Variants in ST8SIA6 observed in about 807,000 individuals in gnomAD.
The protein encoded by ST8SIA6 is alpha-2,8-sialyltransferase 8F.
ST8SIA6 carries 39 observed loss-of-function variants against 33.6 expected under a neutral mutation model. The ratio of observed to expected loss-of-function variants is 1.16; its 90% CI spans 0.90 to 1.52. The LOEUF (loss-of-function observed/expected upper bound fraction) is 1.52. Ranked by LOEUF, ST8SIA6 falls within the 40% of genes most tolerant of loss-of-function variation. The probability of loss-of-function intolerance (pLI) is 0.00; values close to 1 mark genes in which losing one functional copy is unlikely to be tolerated. For synonymous variants in ST8SIA6, 172 were observed against 167.2 expected (o/e 1.03, Z -0.22); for missense variants, 441 against 443.8 (o/e 0.99, Z 0.06).
chr10:17,398,466 C>A (rs1850909112), intron 2 of ST8SIA6, among the ~76,000 whole-genome samples: 1 of 152,162 alleles, frequency 6.6e-6, no homozygotes, highest in South Asian at 2.1e-4. Context: ...GAATTAATGT[C>A]ACCCTCTGTA....
intron 2 of ST8SIA6, among the ~76,000 whole-genome samples, chr10:17,414,726 G>A (rs941061803): frequency 2.6e-5 from 4 of 152,014 alleles, no homozygotes; most frequent in East Asian, 3.9e-4. Context: ...TTCTTATAAA[G>A]ACACCAGCCC....
intron 2 of ST8SIA6, among the ~76,000 whole-genome samples, chr10:17,404,764 A>C (rs1037216944): frequency 2.0e-5 from 3 of 152,094 alleles, no homozygotes; most frequent in African/African-American, 7.2e-5. Flanking sequence ...AGTTGACCCC[A>C]ATCTCTCTTT....
rs181999324 is a variant in ST8SIA6 at position 17,412,734 on chromosome 10, T to C, written c.201-22114A>G. Among the ~76,000 whole-genome samples, 49 of 152,302 alleles carry C rather than the reference T, an allele frequency of 3.2e-4. No individual in the cohort carries two copies. In the East Asian group the frequency reaches 8.7e-3, roughly 27 times the overall value. On this transcript the variant is annotated intron_variant, in intron 2 of 7. Transcript: ENST00000377602. ...GTACTTAAAAGTATATATGGTAATA[T>C]ACAATATGATAGAAGAAATAAGACC...
intron 4 of ST8SIA6, among the ~76,000 whole-genome samples, chr10:17,349,827 A>G (rs1342207345): frequency 6.6e-6 from 1 of 152,288 alleles, no homozygotes; most frequent in East Asian, 1.9e-4. Context: ...CCTAGTTCCT[A>G]TAGTGAGTCT....
chr10:17,331,308 A>G, intron 5 of ST8SIA6, 100 bp downstream of exon 5: 2 of 1,406,632 alleles, frequency 1.4e-6, no homozygotes, highest in Non-Finnish European at 1.9e-6. Context: ...ACAATATGGT[A>G]TTTTAATTGA....
intron 4 of ST8SIA6, among the ~76,000 whole-genome samples, chr10:17,352,203 A>G (rs925491933): frequency 1.1e-4 from 16 of 152,220 alleles, no homozygotes; most frequent in African/African-American, 3.4e-4. Context: ...TAAAGGAATA[A>G]TAAGTAAAAC....
intron 3 of ST8SIA6, among the ~76,000 whole-genome samples, chr10:17,380,532 T>G (rs1384726039): frequency 1.3e-5 from 2 of 152,194 alleles, no homozygotes; most frequent in Non-Finnish European, 2.9e-5. Flanking sequence ...AAAAAAAGAT[T>G]TTTAATTTTA....
chr10:17,339,106 A>T (rs1370931352), intron 4 of ST8SIA6, among the ~76,000 whole-genome samples: 10 of 112,704 alleles, frequency 8.9e-5, no homozygotes, highest in African/African-American at 4.0e-4. Context: ...TTAAAATTGT[A>T]AAAATTCCTT....
chr10:17,430,883 G>A (rs974832495), intron 2 of ST8SIA6, among the ~76,000 whole-genome samples: 2 of 152,078 alleles, frequency 1.3e-5, no homozygotes, highest in African/African-American at 4.8e-5. Flanking sequence ...TTAAGGTTAC[G>A]TGAAAGACTT....
At position 17,331,504 on chromosome 10, in the gene ST8SIA6, AG is replaced by A. The variant is rs1172120672; in HGVS notation, c.425del (p.Ser142PhefsTer11). ...CCDAVQNFVV[S>X]QNNTPVGTNM... ...TAGTCCCAACTGGAGTGTTATTCTG[AG>A]AAACAACAAAGTTTTGAACAGCATC... On this transcript the variant is annotated frameshift_variant, in exon 5 of 8. Transcript: ENST00000377602. LOFTEE classifies it high-confidence loss of function. 1.2e-6 allele frequency: 2 copies of A among 1,613,118 alleles called. No homozygotes were observed. Among genetic ancestry groups the A allele is most frequent in the Admixed American group, 3.3e-5 (2 of 59,724 alleles).
chr10:17,347,442 G>T (rs542331236), intron 4 of ST8SIA6, among the ~76,000 whole-genome samples: 1 of 152,156 alleles, frequency 6.6e-6, no homozygotes, highest in South Asian at 2.1e-4. Flanking sequence ...GAGGGGAGAG[G>T]GCAATGATAA....
intron 2 of ST8SIA6, among the ~76,000 whole-genome samples, chr10:17,418,272 G>T (rs1851664733): frequency 6.6e-6 from 1 of 151,782 alleles, no homozygotes; most frequent in Non-Finnish European, 1.5e-5. Context: ...CTTTGTTCCG[G>T]CTGGTCTCAA....
At chr10:17,394,165 G>C (rs1258986765) in intron 2 of ST8SIA6, among the ~76,000 whole-genome samples, 2 of 152,058 alleles carry the variant, frequency 1.3e-5, no homozygotes, top group Non-Finnish European at 2.9e-5. Flanking sequence ...TAAAAACTCA[G>C]AATAGGTTTA....
At chr10:17,366,578 T>C (rs1177537793) in intron 3 of ST8SIA6, among the ~76,000 whole-genome samples, 1 of 151,874 alleles carries the variant, frequency 6.6e-6, no homozygotes, top group Non-Finnish European at 1.5e-5. Context: ...GAGGGAATGG[T>C]GTATCTGTTT....
At chr10:17,416,596 G>C (rs2183042) in intron 2 of ST8SIA6, among the ~76,000 whole-genome samples, 151,306 of 152,272 alleles carry the variant, frequency 0.99, 75,178 homozygotes, top group Middle Eastern at 1. Context: ...TCGGATTCCT[G>C]TCCTTCTCTT....
intron 3 of ST8SIA6, among the ~76,000 whole-genome samples, chr10:17,379,082 C>T (rs1210816008): frequency 6.6e-6 from 1 of 150,578 alleles, no homozygotes; most frequent in African/African-American, 2.5e-5. Flanking sequence ...GCTGAGATCG[C>T]ACCACTGCAC....
At chr10:17,429,998 C>T (rs112434025) in intron 2 of ST8SIA6, among the ~76,000 whole-genome samples, 3 of 152,008 alleles carry the variant, frequency 2.0e-5, no homozygotes, top group South Asian at 4.2e-4. Flanking sequence ...CACCCATCGC[C>T]GGAGCAGTGT....
intron 4 of ST8SIA6, among the ~76,000 whole-genome samples, chr10:17,356,760 A>AT (rs113747234): frequency 9.3e-5 from 14 of 150,500 alleles, no homozygotes; most frequent in South Asian, 2.1e-4. Flanking sequence ...TTACTGATGC[A>AT]TTTTTTTTTA....
chr10:17,326,901 C>T, intron 6 of ST8SIA6, 113 bp downstream of exon 6: 1 of 714,142 alleles, frequency 1.4e-6, no homozygotes, highest in South Asian at 3.1e-5. Flanking sequence ...AATTTGTAGA[C>T]TTTTGTAACA....
Sources: allele counts gnomAD v4.1 joint callset (sites outside exome capture counted in the v4.1 genomes callset), GRCh38; gene constraint gnomAD v4.1.1; transcripts MANE v1.5; gene names NCBI Gene and HGNC (gene_info 2026-07-23, HGNC 2026-07-21).